The following NR2F1-AS1 variants were observed in gnomAD, a reference collection of about 807,000 sequenced individuals.
The protein encoded by NR2F1-AS1 is NR2F1 antisense RNA 1.
chr5:93,560,502 A>G (rs1752463335), intron 2 of NR2F1-AS1, among the ~76,000 whole-genome samples: 1 of 152,222 alleles, frequency 6.6e-6, no homozygotes, highest in Non-Finnish European at 1.5e-5. Flanking sequence ...AAGCTCTACA[A>G]TACCACTCCT....
exon 4 of NR2F1-AS1, chr5:93,553,784 T>G (rs1384544499): frequency 6.6e-6 from 1 of 152,224 alleles, no homozygotes; most frequent in South Asian, 2.1e-4. Flanking sequence ...GAGCTGCAAG[T>G]TGTTGTTCCA....
chr5:93,521,512 G>T (rs1580298922), intron 4 of NR2F1-AS1, among the ~76,000 whole-genome samples: 1 of 152,018 alleles, frequency 6.6e-6, no homozygotes, highest in East Asian at 1.9e-4. Context: ...AAACAAATTT[G>T]CAAGAGAAAA....
chr5:93,482,155 C>T (rs1750613641), intron 4 of NR2F1-AS1, among the ~76,000 whole-genome samples: 1 of 152,072 alleles, frequency 6.6e-6, no homozygotes, highest in African/African-American at 2.4e-5. Context: ...ATCGGGGTGG[C>T]TAGCAAGATG....
chr5:93,585,510 C>T, upstream of NR2F1-AS1: 1 of 1,579,934 alleles, frequency 6.3e-7, no homozygotes, highest in Non-Finnish European at 8.7e-7. Flanking sequence ...CTCTGCTTCT[C>T]TCCCCGCGCT....
chr5:93,432,844 T>C (rs1231288416), intron 4 of NR2F1-AS1, among the ~76,000 whole-genome samples: 1 of 152,192 alleles, frequency 6.6e-6, no homozygotes, highest in Non-Finnish European at 1.5e-5. Context: ...TCTTTTTGTG[T>C]AATTTCTATT....
chr5:93,445,344 AT>A (rs1474520261), intron 4 of NR2F1-AS1, among the ~76,000 whole-genome samples: 3 of 152,192 alleles, frequency 2.0e-5, no homozygotes, highest in African/African-American at 7.2e-5. Context: ...AATAGACACA[AT>A]AAAAAATTAT....
intron 1 of NR2F1-AS1, among the ~76,000 whole-genome samples, chr5:93,573,278 GCA>G (rs1403806615): frequency 6.6e-6 from 1 of 152,210 alleles, no homozygotes; most frequent in African/African-American, 2.4e-5. Context: ...CTCCTTCCCG[GCA>G]GCGGGCCTCC....
upstream of NR2F1-AS1, among the ~76,000 whole-genome samples, chr5:93,581,888 G>GTC (rs533242602): frequency 4.6e-4 from 8 of 17,514 alleles, no homozygotes; most frequent in South Asian, 2.4e-3. Context: ...CTCTCTCTCG[G>GTC]TCTCTCTCTC....
At chr5:93,427,171 AT>A (rs1413376876) in intron 4 of NR2F1-AS1, among the ~76,000 whole-genome samples, 6 of 152,122 alleles carry the variant, frequency 3.9e-5, no homozygotes, top group South Asian at 2.1e-4. Flanking sequence ...TAAGGATACA[AT>A]TTTTTTAAGT....
chr5:93,582,127 C>A, upstream of NR2F1-AS1, among the ~76,000 whole-genome samples: 1 of 143,514 alleles, frequency 7.0e-6, no homozygotes, highest in African/African-American at 2.6e-5. Context: ...GCCTCCCCCC[C>A]TCTCCATCTT....
At chr5:93,417,470 T>C (rs1235155076) in intron 4 of NR2F1-AS1, among the ~76,000 whole-genome samples, 2 of 152,218 alleles carry the variant, frequency 1.3e-5, no homozygotes, top group African/African-American at 4.8e-5. Flanking sequence ...AAACTGCCAA[T>C]ACATAACAAC....
intron 1 of NR2F1-AS1, among the ~76,000 whole-genome samples, chr5:93,564,520 T>C (rs1752572587): frequency 6.6e-6 from 1 of 152,194 alleles, no homozygotes; most frequent in Non-Finnish European, 1.5e-5. Context: ...ATGGGGTTTT[T>C]CTCCAAAGAG....
chr5:93,573,406 C>A (rs1259563442), intron 1 of NR2F1-AS1, among the ~76,000 whole-genome samples: 1 of 152,112 alleles, frequency 6.6e-6, no homozygotes. Flanking sequence ...ACTTCCGCGG[C>A]CTTTGCCCAG....
intron 4 of NR2F1-AS1, among the ~76,000 whole-genome samples, chr5:93,489,085 T>A (rs1368584475): frequency 6.7e-6 from 1 of 149,426 alleles, no homozygotes; most frequent in African/African-American, 2.4e-5. Context: ...CATCACACAG[T>A]GGGGCCTGTT....
intron 4 of NR2F1-AS1, among the ~76,000 whole-genome samples, chr5:93,552,561 C>T (rs1295587533): frequency 1.3e-5 from 2 of 151,868 alleles, no homozygotes; most frequent in Non-Finnish European, 2.9e-5. Context: ...GGATCCTCTT[C>T]CTCATAACTA....
intron 4 of NR2F1-AS1, among the ~76,000 whole-genome samples, chr5:93,489,545 G>T (rs1033007536): frequency 6.6e-6 from 1 of 151,954 alleles, no homozygotes; most frequent in Non-Finnish European, 1.5e-5. Context: ...CGGTGGTTCG[G>T]TACCAAATCT....
chr5:93,491,924 C>T (rs1460020831), intron 4 of NR2F1-AS1, among the ~76,000 whole-genome samples: 2 of 152,156 alleles, frequency 1.3e-5, no homozygotes, highest in Non-Finnish European at 2.9e-5. Flanking sequence ...ATTATAGGAC[C>T]TCTTGGCTTC....
intron 4 of NR2F1-AS1, among the ~76,000 whole-genome samples, chr5:93,454,171 C>T (rs981223109): frequency 1.3e-5 from 2 of 152,114 alleles, no homozygotes; most frequent in South Asian, 2.1e-4. Context: ...GTCCCAGCTA[C>T]TCAGGAGCCT....
At chr5:93,537,541 G>C (rs934697176) in intron 4 of NR2F1-AS1, among the ~76,000 whole-genome samples, 16 of 151,976 alleles carry the variant, frequency 1.1e-4, no homozygotes, top group African/African-American at 3.9e-4. Flanking sequence ...ATGGTCAATA[G>C]GTATATGAAA....
Sources: allele counts gnomAD v4.1 joint callset (sites outside exome capture counted in the v4.1 genomes callset), GRCh38; gene constraint gnomAD v4.1.1; transcripts MANE v1.5; gene names NCBI Gene and HGNC (gene_info 2026-07-23, HGNC 2026-07-21).